The following ERAP1 variants were observed in gnomAD, a reference collection of about 807,000 sequenced individuals.
The protein encoded by ERAP1 is adipocyte-derived leucine aminopeptidase.
ERAP1 carries 86 observed loss-of-function variants against 103.7 expected under a neutral mutation model. The observed-to-expected ratio is 0.83, with a 90% confidence interval of 0.70 to 0.99. The LOEUF is 0.99. ERAP1 is among the 50% of genes least tolerant of loss of function. The probability of loss-of-function intolerance (pLI) is 0.00; values close to 1 mark genes in which losing one functional copy is unlikely to be tolerated. For synonymous variants in ERAP1, 398 were observed against 402.4 expected (o/e 0.99, Z 0.13); for missense variants, 1,009 against 1,128.4 (o/e 0.89, Z 1.52).
Position 96,776,066 on chromosome 5 carries a change from A to ATGAT in ERAP1, c.*326_*329dup. ...AGGAGACTGATGAAACAGTTTATGA[A>ATGAT]TGATAAACATGGGGTACAGGGTTTT... On this transcript the variant is annotated 3_prime_UTR_variant, in exon 19 of 19. Transcript: ENST00000443439. 1 of 1,239,514 alleles carries ATGAT rather than the reference A, an allele frequency of 8.1e-7. No individual in the cohort carries two copies. The allele number at this position is 1,239,514 out of a possible 1,614,324, so 76.8% of individuals were successfully genotyped here.
chr5:96,911,116 C>G, the ERAP1 span, among the ~76,000 whole-genome samples: 1 of 152,236 alleles, frequency 6.6e-6, no homozygotes, highest in Non-Finnish European at 1.5e-5. Flanking sequence ...TAAATCCCAT[C>G]TGCAAATGGC....
At chr5:96,919,530 G>T in the ERAP1 span, 1 of 152,158 alleles carries the variant, frequency 6.6e-6, no homozygotes, top group Non-Finnish European at 1.5e-5. Context: ...CCATAAATAT[G>T]CAGAGTTCTT....
At chr5:96,762,088 G>A (rs941429832) in exon 20 of ERAP1, 1 of 419,742 alleles carries the variant, frequency 2.4e-6, no homozygotes, top group African/African-American at 2.1e-5. Context: ...ATAGCAAATT[G>A]TATAAAATAA....
chr5:96,768,934 A>G (rs1323285529), intron 19 of ERAP1: 1 of 152,566 alleles, frequency 6.6e-6, no homozygotes. Context: ...CATTTCATAC[A>G]GTAGTGATGT....
At chr5:96,929,476 TCTTC>T in the ERAP1 span, among the ~76,000 whole-genome samples, 6 of 147,854 alleles carry the variant, frequency 4.1e-5, no homozygotes, top group African/African-American at 1.2e-4. Flanking sequence ...TCCTTTTTTT[TCTTC>T]CTTCCTTCCT....
chr5:96,838,687 C>A, the ERAP1 span, among the ~76,000 whole-genome samples: 1 of 152,120 alleles, frequency 6.6e-6, no homozygotes, highest in African/African-American at 2.4e-5. Flanking sequence ...CCACACATGA[C>A]AACAGCTTAA....
At chr5:96,909,267 T>C in the ERAP1 span, 94 of 723,434 alleles carry the variant, frequency 1.3e-4, 1 homozygote, top group Non-Finnish European at 1.9e-4. Flanking sequence ...ATGACCCTTG[T>C]TCTTTACCAT....
chr5:96,775,222 G>T lies in ERAP1; in HGVS notation c.*1174C>A. 1 of 985,136 alleles carries T rather than the reference G, an allele frequency of 1.0e-6. No homozygotes were observed. The highest frequency in any genetic ancestry group is 1.2e-6 in the Non-Finnish European group (1 of 829,884). 61.0% of individuals were successfully genotyped at this position (985,136 alleles called of 1,614,324 possible). On this transcript the variant is annotated 3_prime_UTR_variant, in exon 19 of 19. Coordinates refer to ENST00000443439, the MANE Select transcript of ERAP1 (RefSeq NM_001040458.3). ...ATTATCATCTATACATAAAACCTGAGCAGCAACTGTGTGCTGAAGCAACCG... is the reference window on the plus strand; with the variant it reads ...ATTATCATCTATACATAAAACCTGATCAGCAACTGTGTGCTGAAGCAACCG...
chr5:96,916,668 C>T, the ERAP1 span, among the ~76,000 whole-genome samples: 1 of 151,568 alleles, frequency 6.6e-6, no homozygotes, highest in African/African-American at 2.4e-5. Context: ...TGGGGTTTCA[C>T]TGTGTTAGCC....
the ERAP1 span, among the ~76,000 whole-genome samples, chr5:96,864,750 C>A: frequency 6.6e-6 from 1 of 151,918 alleles, no homozygotes; most frequent in Non-Finnish European, 1.5e-5. Flanking sequence ...CTTGAAAATG[C>A]AAGTTCAATA....
chr5:96,823,001 C>T, the ERAP1 span: 2 of 454,472 alleles, frequency 4.4e-6, no homozygotes, highest in Admixed American at 2.4e-5. Context: ...AATTCAGTTA[C>T]ACAAGGTTGT....
rs773161433 is a variant in ERAP1 at position 96,788,545 on chromosome 5, G to A, written c.1665C>T (p.Gly555=). ...AGGAGCATTACCCAGTGTCCGGGGCGCCGTCAGAGCCCTTCATGTAGTGCT... is the reference window on the plus strand; with the variant it reads ...AGGAGCATTACCCAGTGTCCGGGGCACCGTCAGAGCCCTTCATGTAGTGCT... ...KQEHYMKGSD[G]APDTGYLWHV... Residue 555 remains glycine (G), a synonymous_variant, in exon 11 of 19, where the codon GGC becomes GGT. Coordinates refer to ENST00000443439, the MANE Select transcript of ERAP1 (RefSeq NM_001040458.3). The A allele has an allele frequency of 9.9e-6, 16 of 1,614,036 alleles. No homozygotes were observed. Among genetic ancestry groups the A allele is most frequent in the East Asian group, 2.2e-5 (1 of 44,892 alleles).
the ERAP1 span, among the ~76,000 whole-genome samples, chr5:96,830,125 C>A: frequency 1.3e-5 from 2 of 152,134 alleles, no homozygotes; most frequent in Non-Finnish European, 2.9e-5. Context: ...AAATATCTCA[C>A]TGTGAGATGA....
At chr5:96,854,734 A>C in the ERAP1 span, among the ~76,000 whole-genome samples, 1 of 152,222 alleles carries the variant, frequency 6.6e-6, no homozygotes, top group African/African-American at 2.4e-5. Flanking sequence ...TTGCCATAAA[A>C]TTTCAGTCAT....
intron 13 of ERAP1, chr5:96,785,450 C>G (rs1185143867): frequency 1.1e-5 from 4 of 362,316 alleles, no homozygotes; most frequent in African/African-American, 2.1e-5. Flanking sequence ...TCCGGTATAG[C>G]GGGGCCAGAA....
chr5:96,924,735 C>T, the ERAP1 span, among the ~76,000 whole-genome samples: 1 of 151,908 alleles, frequency 6.6e-6, no homozygotes, highest in Admixed American at 6.6e-5. Context: ...GTAGCCGGGA[C>T]TACAGGCACC....
intron 11 of ERAP1, among the ~76,000 whole-genome samples, chr5:96,788,261 A>C (rs1427955678): frequency 6.6e-6 from 1 of 152,182 alleles, no homozygotes; most frequent in Non-Finnish European, 1.5e-5. Flanking sequence ...CAAGCCAGTA[A>C]CCAGAAATTA....
chr5:96,804,358 A>G, intron 1 of ERAP1: 2 of 304,630 alleles, frequency 6.6e-6, no homozygotes, highest in South Asian at 5.9e-5. Context: ...ACCATATCAG[A>G]GGAACATCTG....
chr5:96,850,002 A>G, the ERAP1 span, among the ~76,000 whole-genome samples: 2 of 152,298 alleles, frequency 1.3e-5, no homozygotes, highest in African/African-American at 4.8e-5. Context: ...AGAACACACA[A>G]TGAGTGTTCA....
Sources: gnomAD v4.1 joint callset for allele counts (sites outside exome capture counted in the v4.1 genomes callset) on GRCh38, gnomAD v4.1.1 for gene constraint, MANE v1.5 for transcripts, NCBI Gene and HGNC (gene_info 2026-07-23, HGNC 2026-07-21) for gene names.